GALNT17: variants seen among roughly 807,000 people sequenced by gnomAD.
GALNT17 encodes UDP-GalNAc:polypeptide N-acetylgalactosaminyltransferase-like 3.
In GALNT17, 29 loss-of-function variants were observed where a neutral mutation model predicts 63.7. That is an observed-to-expected ratio of 0.46 (90% CI 0.34 to 0.62). The LOEUF (loss-of-function observed/expected upper bound fraction) is 0.62, where lower values mean the gene tolerates loss of function less well. Among genes scored for constraint, GALNT17 ranks in the 20% least tolerant of loss-of-function variants. GALNT17 has a pLI of 0.01. For synonymous variants in GALNT17, 305 were observed against 318.3 expected (o/e 0.96, Z 0.45); for missense variants, 603 against 799.6 (o/e 0.75, Z 2.97).
At chr7:71,616,683 T>G (rs1562711565) in intron 6 of GALNT17, among the ~76,000 whole-genome samples, 1 of 109,798 alleles carries the variant, frequency 9.1e-6, no homozygotes. Flanking sequence ...ATATAATACA[T>G]TATAATATAT....
intron 1 of GALNT17, among the ~76,000 whole-genome samples, chr7:71,220,362 C>G (rs551901653): frequency 6.2e-4 from 95 of 152,162 alleles, no homozygotes; most frequent in Non-Finnish European, 1.1e-3. Context: ...TTGGCACCAA[C>G]AACAGAAACT....
At chr7:71,368,090 G>A (rs944759308) in intron 2 of GALNT17, among the ~76,000 whole-genome samples, 25 of 152,350 alleles carry the variant, frequency 1.6e-4, no homozygotes, top group African/African-American at 5.5e-4. Context: ...AAGAACAGAC[G>A]TGGGGAGGGG....
At chr7:71,230,488 C>T (rs1789768442) in intron 1 of GALNT17, among the ~76,000 whole-genome samples, 1 of 152,208 alleles carries the variant, frequency 6.6e-6, no homozygotes, top group African/African-American at 2.4e-5. Flanking sequence ...ACGCACACCC[C>T]CTCCCCTGCC....
At chr7:71,349,342 G>A (rs372876313) in intron 2 of GALNT17, among the ~76,000 whole-genome samples, 5 of 152,168 alleles carry the variant, frequency 3.3e-5, no homozygotes, top group East Asian at 3.9e-4. Context: ...CCACGTGTGC[G>A]CTGTGCAGGG....
chr7:71,143,191 G>A (rs538387094), intron 1 of GALNT17, among the ~76,000 whole-genome samples: 2 of 152,116 alleles, frequency 1.3e-5, no homozygotes, highest in South Asian at 2.1e-4. Flanking sequence ...GGAGGCCGAG[G>A]TGGGTGGATC....
chr7:71,200,185 A>G (rs1789140626), intron 1 of GALNT17, among the ~76,000 whole-genome samples: 2 of 152,110 alleles, frequency 1.3e-5, no homozygotes, highest in African/African-American at 2.4e-5. Context: ...TAAGTATGGT[A>G]TGTTTTAGAA....
At chr7:71,553,172 C>A (rs1031682040) in intron 5 of GALNT17, among the ~76,000 whole-genome samples, 1 of 151,804 alleles carries the variant, frequency 6.6e-6, no homozygotes, top group Non-Finnish European at 1.5e-5. Flanking sequence ...AAAAAAAATG[C>A]AAAAATTATC....
intron 5 of GALNT17, among the ~76,000 whole-genome samples, chr7:71,540,452 G>A (rs1049328481): frequency 6.6e-6 from 1 of 151,790 alleles, no homozygotes; most frequent in Non-Finnish European, 1.5e-5. Context: ...ATGTCATTTC[G>A]TTCATCTAGT....
At chr7:71,585,927 T>TC in intron 6 of GALNT17, among the ~76,000 whole-genome samples, 1 of 151,536 alleles carries the variant, frequency 6.6e-6, no homozygotes, top group South Asian at 2.1e-4. Flanking sequence ...TTTTTTTTTT[T>TC]TGAGAAGGAG....
At chr7:71,456,284 C>G (rs1412260069) in intron 5 of GALNT17, among the ~76,000 whole-genome samples, 1 of 152,102 alleles carries the variant, frequency 6.6e-6, no homozygotes, top group Non-Finnish European at 1.5e-5. Context: ...ATGTGAGATG[C>G]CAGTGACCTG....
intron 5 of GALNT17, among the ~76,000 whole-genome samples, chr7:71,527,607 A>G (rs1027912302): frequency 5.3e-5 from 8 of 152,218 alleles, no homozygotes; most frequent in African/African-American, 1.9e-4. Context: ...TGCTCATTTC[A>G]GAGTTGGTTT....
At chr7:71,220,035 G>A (rs932547078) in intron 1 of GALNT17, among the ~76,000 whole-genome samples, 3 of 152,216 alleles carry the variant, frequency 2.0e-5, no homozygotes, top group Non-Finnish European at 4.4e-5. Context: ...TCATTCCAGT[G>A]AATAGTTTGC....
intron 1 of GALNT17, among the ~76,000 whole-genome samples, chr7:71,292,666 AGAGTGT>A (rs1309787027): frequency 0.053 from 6,185 of 116,704 alleles, 223 homozygotes; most frequent in African/African-American, 0.12. Context: ...AGAGAGAGAG[AGAGTGT>A]GTGTGTGTGT....
intron 9 of GALNT17, among the ~76,000 whole-genome samples, chr7:71,704,630 C>G (rs1440608174): frequency 1.3e-5 from 2 of 151,886 alleles, no homozygotes; most frequent in African/African-American, 2.4e-5. Context: ...TGCTACAAAG[C>G]TATAATAATC....
intron 6 of GALNT17, among the ~76,000 whole-genome samples, chr7:71,634,827 C>T (rs11766287): frequency 0.25 from 38,525 of 151,372 alleles, 5,163 homozygotes; most frequent in Non-Finnish European, 0.29. Context: ...CTGGACAACT[C>T]GAAGCAGGGG....
chr7:71,500,075 T>A (rs1015562491), intron 5 of GALNT17, among the ~76,000 whole-genome samples: 2 of 152,212 alleles, frequency 1.3e-5, no homozygotes, highest in African/African-American at 4.8e-5. Flanking sequence ...TAAACCTCTT[T>A]CCTTTGTAAA....
chr7:71,318,059 C>T (rs1471663113), intron 1 of GALNT17, among the ~76,000 whole-genome samples: 1 of 151,972 alleles, frequency 6.6e-6, no homozygotes, highest in Non-Finnish European at 1.5e-5. Flanking sequence ...ATAGCTGGGA[C>T]CACGCCCGAC....
At chr7:71,316,591 G>A (rs1258892534) in intron 1 of GALNT17, among the ~76,000 whole-genome samples, 1 of 152,142 alleles carries the variant, frequency 6.6e-6, no homozygotes, top group African/African-American at 2.4e-5. Flanking sequence ...TAAGCACCAT[G>A]TAGCTTGGGC....
At chr7:71,658,174 T>C (rs1402801126) in intron 6 of GALNT17, among the ~76,000 whole-genome samples, 1 of 152,226 alleles carries the variant, frequency 6.6e-6, no homozygotes, top group Non-Finnish European at 1.5e-5. Flanking sequence ...CCCAAATTGC[T>C]GGGATTCCAG....
Sources: allele counts gnomAD v4.1 joint callset (sites outside exome capture counted in the v4.1 genomes callset), GRCh38; gene constraint gnomAD v4.1.1; transcripts MANE v1.5; gene names NCBI Gene and HGNC (gene_info 2026-07-23, HGNC 2026-07-21).